CSMD1: variants seen among roughly 807,000 people sequenced by gnomAD.
CSMD1 encodes CUB and Sushi multiple domains 1.
In CSMD1, 213 loss-of-function variants were observed where a neutral mutation model predicts 417.5. The ratio of observed to expected loss-of-function variants is 0.51; its 90% confidence interval spans 0.46 to 0.57. The LOEUF (loss-of-function observed/expected upper bound fraction) is 0.57. CSMD1 is among the 20% of genes least tolerant of loss of function. CSMD1 has a pLI of 0.00. For synonymous variants in CSMD1, 2,862 were observed against 1,736.8 expected (o/e 1.65, Z -16.11); for missense variants, 6,923 against 4,529.7 (o/e 1.53, Z -15.17).
rs1441727399 is a variant in CSMD1, at chr8:3,468,812, G to A, written c.1461C>T (p.Ser487=). Residue 487 remains serine (S), a synonymous_variant, in exon 12 of 70, where the codon TCC becomes TCT. Coordinates refer to ENST00000635120, the MANE Select transcript of CSMD1 (RefSeq NM_033225.6). ...TRSVLYVLTG[S]SVPDLIVSMS... is the part of the protein sequence containing the mutation. ...TGCTCACAATGAGGTCAGGAACACT[G>A]GATCCCGTGAGCCTGCAAGAAAGAG... 6.3e-7 allele frequency: 1 copy of A among 1,595,946 alleles called. No homozygotes were observed. The highest frequency in any genetic ancestry group is 8.5e-7 in the Non-Finnish European group (1 of 1,171,110).
chr8:4,062,003 C>T (rs1291268272), intron 3 of CSMD1, among the ~76,000 whole-genome samples: 2 of 152,180 alleles, frequency 1.3e-5, no homozygotes, highest in Admixed American at 6.5e-5. Flanking sequence ...TCTGAGAGGT[C>T]AAGGTGTAGT....
At chr8:4,580,907 C>T (rs1340209595) in intron 2 of CSMD1, among the ~76,000 whole-genome samples, 2 of 152,174 alleles carry the variant, frequency 1.3e-5, no homozygotes, top group Non-Finnish European at 2.9e-5. Flanking sequence ...TTGTGTTTGA[C>T]ATCATCGGAA....
chr8:3,230,684 G>A (rs775026306), intron 26 of CSMD1, among the ~76,000 whole-genome samples: 1 of 152,104 alleles, frequency 6.6e-6, no homozygotes, highest in African/African-American at 2.4e-5. Flanking sequence ...AACCTTTGTT[G>A]AGATGCCAAG....
At chr8:3,469,648 G>A (rs1816972979) in intron 11 of CSMD1, among the ~76,000 whole-genome samples, 1 of 152,134 alleles carries the variant, frequency 6.6e-6, no homozygotes, top group Admixed American at 6.5e-5. Context: ...AATCAAATAG[G>A]AAGCTTGACT....
intron 3 of CSMD1, among the ~76,000 whole-genome samples, chr8:4,038,975 A>T (rs1043816532): frequency 6.6e-6 from 1 of 152,178 alleles, no homozygotes; most frequent in South Asian, 2.1e-4. Context: ...ATCACATCAA[A>T]CCTTTAACCC....
At chr8:4,142,428 A>G (rs115208748) in intron 3 of CSMD1, among the ~76,000 whole-genome samples, 45,242 of 150,756 alleles carry the variant, frequency 0.3, 8,430 homozygotes, top group Non-Finnish European at 0.39. Flanking sequence ...CTGCTACCAT[A>G]ACAGAACTAG....
intron 11 of CSMD1, among the ~76,000 whole-genome samples, chr8:3,470,478 G>C (rs1817022941): frequency 6.6e-6 from 1 of 152,134 alleles, no homozygotes; most frequent in African/African-American, 2.4e-5. Context: ...TCAGGACATT[G>C]ACATGGATAC....
Position 3,406,084 on chromosome 8 carries a change from T to C in CSMD1, c.2209A>G (p.Thr737Ala), listed in dbSNP as rs544430666. 9.3e-6 allele frequency: 15 copies of C among 1,613,842 alleles called. No individual in the cohort carries two copies. Among genetic ancestry groups the C allele is most frequent in the African/African-American group, 1.3e-5 (1 of 74,914 alleles). The change falls in exon 15 of 70, where the codon ACC becomes GCC. Residue 737 changes from threonine to alanine, a missense_variant. By Grantham distance (58) the Thr-to-Ala change is moderately conservative. Coordinates refer to ENST00000635120, the MANE Select transcript of CSMD1 (RefSeq NM_033225.6). Reference sequence around the variant, plus strand: ...ACGTTCCCGTCTTGCAGTATGCAGGTAATGGACTCGGATCCCTGGGTCTTG... The same window carrying C: ...ACGTTCCCGTCTTGCAGTATGCAGGCAATGGACTCGGATCCCTGGGTCTTG... ...FVKTQGSESI[T>A]CILQDGNVVW... is the part of the protein sequence containing the mutation.
chr8:4,601,934 G>A (rs185878617), intron 2 of CSMD1, among the ~76,000 whole-genome samples: 1 of 152,234 alleles, frequency 6.6e-6, no homozygotes, highest in Admixed American at 6.5e-5. Flanking sequence ...TCCTTGTGAA[G>A]CTTATACACA....
chr8:3,925,425 T>C (rs754009183), intron 5 of CSMD1, among the ~76,000 whole-genome samples: 2 of 152,194 alleles, frequency 1.3e-5, no homozygotes, highest in African/African-American at 4.8e-5. Flanking sequence ...AGAAATAATA[T>C]TTAAATTATA....
intron 3 of CSMD1, among the ~76,000 whole-genome samples, chr8:4,273,247 G>C (rs576753321): frequency 6.6e-6 from 1 of 151,934 alleles, no homozygotes; most frequent in Non-Finnish European, 1.5e-5. Context: ...TTATAAAAAG[G>C]CAATGAGCAT....
chr8:3,456,299 G>C (rs1368328047), intron 12 of CSMD1, among the ~76,000 whole-genome samples: 3 of 52,654 alleles, frequency 5.7e-5, no homozygotes, highest in Non-Finnish European at 1.1e-4. Context: ...CTCATGCTTT[G>C]TGTGCTGCAC....
At chr8:4,919,935 A>G (rs533718827) in intron 1 of CSMD1, among the ~76,000 whole-genome samples, 2 of 152,260 alleles carry the variant, frequency 1.3e-5, no homozygotes, top group South Asian at 4.1e-4. Context: ...CCCTCAACAG[A>G]CACCAGACCT....
chr8:4,259,306 G>A (rs1019360987), intron 3 of CSMD1, among the ~76,000 whole-genome samples: 2 of 152,112 alleles, frequency 1.3e-5, no homozygotes, highest in Non-Finnish European at 2.9e-5. Context: ...AGTGTCTTAA[G>A]ACTGTTTTCC....
At chr8:3,269,181 G>C (rs1421314265) in intron 26 of CSMD1, among the ~76,000 whole-genome samples, 4 of 152,210 alleles carry the variant, frequency 2.6e-5, no homozygotes, top group East Asian at 3.8e-4. Flanking sequence ...TCATGGACCA[G>C]GTGTCCACGG....
At chr8:4,227,784 C>G (rs1801447710) in intron 3 of CSMD1, among the ~76,000 whole-genome samples, 1 of 150,926 alleles carries the variant, frequency 6.6e-6, no homozygotes. Context: ...AACCAGGAGA[C>G]ACACCCTCCA....
intron 5 of CSMD1, among the ~76,000 whole-genome samples, chr8:3,922,312 T>C (rs1458631993): frequency 1.3e-5 from 2 of 152,096 alleles, no homozygotes; most frequent in African/African-American, 4.8e-5. Flanking sequence ...TAGTTGGATC[T>C]TATTTATGTC....
chr8:4,089,364 G>C (rs181843381), intron 3 of CSMD1, among the ~76,000 whole-genome samples: 2 of 152,204 alleles, frequency 1.3e-5, no homozygotes, highest in African/African-American at 4.8e-5. Flanking sequence ...CTTTCACTGA[G>C]AAGACATTTT....
rs1417781037 is a variant in CSMD1, at chr8:3,853,899, A to AG, written c.819-99858_819-99857insC. On this transcript the variant is annotated intron_variant, in intron 5 of 69. Transcript: ENST00000635120. ...TAATATATTAATATATTATACTTTA[A>AG]TATATTAATACATTAAAGTATAATA... is the stretch of plus-strand genomic sequence containing the variant. Among the ~76,000 whole-genome samples, 98 of 146,570 alleles carry AG rather than the reference A, an allele frequency of 6.7e-4. 1 individual carries two copies. The South Asian group carries it at 0.02, about 31-fold the overall frequency.
Sources: gnomAD v4.1 joint callset for allele counts (sites outside exome capture counted in the v4.1 genomes callset) on GRCh38, gnomAD v4.1.1 for gene constraint, MANE v1.5 for transcripts, NCBI Gene and HGNC (gene_info 2026-07-23, HGNC 2026-07-21) for gene names.